Variants in RBFOX1 observed in about 807,000 individuals in gnomAD.
The protein encoded by RBFOX1 is RNA binding protein fox-1 homolog 1.
In RBFOX1, 8 loss-of-function variants were observed where a neutral mutation model predicts 57.7. That is an observed-to-expected ratio of 0.14 (90% CI 0.08 to 0.25). RBFOX1 has a LOEUF of 0.25. Among genes scored for constraint, RBFOX1 ranks in the 10% least tolerant of loss-of-function variants. RBFOX1 has a pLI of 1.00. For synonymous variants in RBFOX1, 326 were observed against 222.4 expected (o/e 1.47, Z -4.15); for missense variants, 611 against 548.5 (o/e 1.11, Z -1.14).
chr16:7,266,408 T>C (rs2095145257), intron 4 of RBFOX1, among the ~76,000 whole-genome samples: 2 of 152,230 alleles, frequency 1.3e-5, no homozygotes, highest in Admixed American at 1.3e-4. Flanking sequence ...GAGGCTTCGC[T>C]GGAAGCCCAG....
chr16:6,043,965 A>G (rs1249937272), intron 1 of RBFOX1, among the ~76,000 whole-genome samples: 2 of 152,134 alleles, frequency 1.3e-5, no homozygotes, highest in East Asian at 1.9e-4. Flanking sequence ...TGGCCCAGGG[A>G]AAATAATTTT....
chr16:6,391,896 A>G (rs1003856937), intron 2 of RBFOX1, among the ~76,000 whole-genome samples: 3 of 152,226 alleles, frequency 2.0e-5, no homozygotes, highest in African/African-American at 7.2e-5. Flanking sequence ...AAATGCATGA[A>G]CAAAATGTTT....
At chr16:6,895,573 A>T (rs956722393) in intron 3 of RBFOX1, among the ~76,000 whole-genome samples, 1 of 150,340 alleles carries the variant, frequency 6.7e-6, no homozygotes, top group African/African-American at 2.5e-5. Flanking sequence ...GGAAGGATCT[A>T]TGTTCAGAAA....
chr16:6,559,159 CTG>C (rs1356126562), intron 2 of RBFOX1, among the ~76,000 whole-genome samples: 1 of 149,734 alleles, frequency 6.7e-6, no homozygotes, highest in Non-Finnish European at 1.5e-5. Flanking sequence ...ATATATATGA[CTG>C]TTTGTGTGTA....
chr16:7,199,316 G>T lies in RBFOX1; in HGVS notation c.27+147218G>T, dbSNP rs548653800. ...TGTTTAATAATTCAGGATCCACTGA[G>T]TGTTTAAAGGGTTTTTTTTCTGTTT... On this transcript the variant is annotated intron_variant, in intron 4 of 15. Coordinates refer to ENST00000550418, the MANE Select transcript of RBFOX1 (RefSeq NM_018723.4). Among the ~76,000 whole-genome samples, 5 of 130,640 alleles carry T rather than the reference G, an allele frequency of 3.8e-5. No individual in the cohort carries two copies. In the Middle Eastern group the frequency reaches 0.012, roughly 319 times the overall value. 85.7% of individuals were successfully genotyped at this position (130,640 alleles called of 152,430 possible). A position where few individuals can be genotyped will look rare whatever the true frequency, so the allele number is the denominator to read the frequency against.
At chr16:6,921,469 A>G (rs1020954497) in intron 3 of RBFOX1, among the ~76,000 whole-genome samples, 6 of 152,146 alleles carry the variant, frequency 3.9e-5, no homozygotes, top group Admixed American at 2.0e-4. Context: ...ACTGTTGGCC[A>G]TAAACCATGT....
chr16:6,718,776 C>T (rs765609585), intron 3 of RBFOX1, among the ~76,000 whole-genome samples: 2 of 152,170 alleles, frequency 1.3e-5, no homozygotes, highest in African/African-American at 2.4e-5. Flanking sequence ...GTTAAACTCA[C>T]AACTAGGTTG....
chr16:7,030,616 C>G (rs1035250805), intron 3 of RBFOX1, among the ~76,000 whole-genome samples: 2 of 152,154 alleles, frequency 1.3e-5, no homozygotes, highest in African/African-American at 4.8e-5. Flanking sequence ...TGGACACTCC[C>G]TTTGGATCTA....
intron 2 of RBFOX1, among the ~76,000 whole-genome samples, chr16:5,477,600 T>A (rs72774604): frequency 0.12 from 18,029 of 152,156 alleles, 1,207 homozygotes; most frequent in East Asian, 0.28. Context: ...TCATTCTGAT[T>A]TTTGTCTAGA....
intron 4 of RBFOX1, among the ~76,000 whole-genome samples, chr16:7,408,488 A>C (rs543250521): frequency 2.0e-5 from 3 of 152,322 alleles, no homozygotes; most frequent in Non-Finnish European, 4.4e-5. Flanking sequence ...CGTCTGTTTG[A>C]TCTGCTGAGA....
intron 1 of RBFOX1, among the ~76,000 whole-genome samples, chr16:6,251,023 T>G: frequency 6.6e-6 from 1 of 152,268 alleles, no homozygotes. Context: ...AGAATCAGCT[T>G]GCTGTCATTT....
chr16:5,447,554 C>T (rs369854879), intron 1 of RBFOX1, among the ~76,000 whole-genome samples: 6 of 152,182 alleles, frequency 3.9e-5, no homozygotes, highest in East Asian at 3.9e-4. Flanking sequence ...CCCGCCACCA[C>T]GCCCCCCTAA....
At chr16:7,085,474 G>T (rs376209715) in intron 4 of RBFOX1, among the ~76,000 whole-genome samples, 1 of 152,150 alleles carries the variant, frequency 6.6e-6, no homozygotes, top group Non-Finnish European at 1.5e-5. Context: ...CACCGTCAGG[G>T]TATTTGCTGG....
At chr16:5,589,554 G>C (rs764739982) in intron 2 of RBFOX1, among the ~76,000 whole-genome samples, 1 of 152,156 alleles carries the variant, frequency 6.6e-6, no homozygotes, top group Non-Finnish European at 1.5e-5. Flanking sequence ...AGGTGATTTG[G>C]ACTCCAGAGC....
At chr16:7,363,267 C>G (rs1253121428) in intron 4 of RBFOX1, among the ~76,000 whole-genome samples, 2 of 152,124 alleles carry the variant, frequency 1.3e-5, no homozygotes, top group Admixed American at 6.5e-5. Context: ...GGGAAAACCT[C>G]CAGATAAACC....
intron 13 of RBFOX1, among the ~76,000 whole-genome samples, chr16:7,670,710 A>G (rs970138852): frequency 6.6e-6 from 1 of 152,230 alleles, no homozygotes; most frequent in Non-Finnish European, 1.5e-5. Context: ...CTATGTAGGA[A>G]AAAGTATACA....
intron 4 of RBFOX1, among the ~76,000 whole-genome samples, chr16:7,384,672 G>T (rs2097847971): frequency 6.6e-6 from 1 of 152,166 alleles, no homozygotes; most frequent in Non-Finnish European, 1.5e-5. Context: ...AGGTAAATAA[G>T]ACCATCCTGT....
chr16:7,300,801 A>C (rs1182240355), intron 4 of RBFOX1, among the ~76,000 whole-genome samples: 1 of 152,226 alleles, frequency 6.6e-6, no homozygotes, highest in Non-Finnish European at 1.5e-5. Flanking sequence ...CTTCTGCCTA[A>C]GGAAGTTTCA....
intron 4 of RBFOX1, among the ~76,000 whole-genome samples, chr16:7,472,791 T>C: frequency 6.6e-6 from 1 of 152,206 alleles, no homozygotes; most frequent in Non-Finnish European, 1.5e-5. Context: ...AAAGTATACT[T>C]GTTTGGCAGA....
Sources: allele counts gnomAD v4.1 joint callset (sites outside exome capture counted in the v4.1 genomes callset), GRCh38; gene constraint gnomAD v4.1.1; transcripts MANE v1.5; gene names NCBI Gene and HGNC (gene_info 2026-07-23, HGNC 2026-07-21).